TTLL11: variants seen among roughly 807,000 people sequenced by gnomAD.
TTLL11 encodes the protein tubulin tyrosine ligase like 11.
In TTLL11, 42 loss-of-function variants were observed where a neutral mutation model predicts 51.7. The ratio of observed to expected loss-of-function variants is 0.81; its 90% confidence interval spans 0.64 to 1.05. TTLL11 has a LOEUF of 1.05. Among genes scored for constraint, TTLL11 ranks in the 50% least tolerant of loss-of-function variants. The probability of loss-of-function intolerance (pLI) is 0.00; values close to 1 mark genes in which losing one functional copy is unlikely to be tolerated. For synonymous variants in TTLL11, 381 were observed against 383.5 expected (o/e 0.99, Z 0.08); for missense variants, 799 against 940.4 (o/e 0.85, Z 1.97).
chr9:121,831,483 G>A (rs998074102), intron 8 of TTLL11, among the ~76,000 whole-genome samples: 6 of 152,146 alleles, frequency 3.9e-5, no homozygotes, highest in Admixed American at 3.9e-4. Context: ...GGTGGATCAT[G>A]AGGTCAGGCA....
At chr9:122,016,473 G>A (rs1192797044) in intron 3 of TTLL11, among the ~76,000 whole-genome samples, 1 of 152,162 alleles carries the variant, frequency 6.6e-6, no homozygotes, top group Non-Finnish European at 1.5e-5. Flanking sequence ...TTACCGGAAG[G>A]TTATTTGATA....
chr9:121,831,699 C>CAAAA (rs35519622), intron 8 of TTLL11, among the ~76,000 whole-genome samples: 2 of 133,410 alleles, frequency 1.5e-5, no homozygotes, highest in African/African-American at 2.8e-5. Flanking sequence ...GACTCTGTCT[C>CAAAA]AAAAAAAAAA....
intron 6 of TTLL11, among the ~76,000 whole-genome samples, 170 bp downstream of exon 6, chr9:121,973,839 C>T (rs1465674717): frequency 6.6e-6 from 1 of 152,106 alleles, no homozygotes; most frequent in Admixed American, 6.6e-5. Context: ...ATTTGAGTCA[C>T]TGATTGCTTG....
At chr9:121,935,580 A>G (rs1374722211) in intron 6 of TTLL11, among the ~76,000 whole-genome samples, 1 of 152,234 alleles carries the variant, frequency 6.6e-6, no homozygotes, top group African/African-American at 2.4e-5. Context: ...ATTAGATTTT[A>G]GTTTTGAAAA....
At chr9:121,988,647 C>G (rs530866628) in intron 4 of TTLL11, among the ~76,000 whole-genome samples, 1 of 152,322 alleles carries the variant, frequency 6.6e-6, no homozygotes, top group East Asian at 1.9e-4. Context: ...ACGCCACTCC[C>G]GCCCAGAGAA....
chr9:121,910,128 T>G (rs1036526108), intron 6 of TTLL11, among the ~76,000 whole-genome samples: 1 of 152,168 alleles, frequency 6.6e-6, no homozygotes, highest in Non-Finnish European at 1.5e-5. Flanking sequence ...CGATACAGCG[T>G]TCAAGTGCAA....
At chr9:122,005,641 A>G (rs895828463) in intron 3 of TTLL11, among the ~76,000 whole-genome samples, 3 of 152,228 alleles carry the variant, frequency 2.0e-5, no homozygotes, top group Non-Finnish European at 4.4e-5. Flanking sequence ...TTAAGTGGGA[A>G]TCAGGCAAAC....
chr9:121,876,824 C>T (rs1003570172), intron 6 of TTLL11, among the ~76,000 whole-genome samples: 7 of 152,172 alleles, frequency 4.6e-5, no homozygotes, highest in Non-Finnish European at 8.8e-5. Context: ...GGATCTCACC[C>T]CAGACCTACT....
In TTLL11 at chr9:122,017,472, CT is replaced by C. The variant is rs146107264; in HGVS notation, c.693+14250del. On this transcript the variant is annotated intron_variant, in intron 3 of 8. Transcript: ENST00000321582. ...AATGTTCATCAACAACAGGGTGAGG[CT>C]TTTTTTTTTTTTTTTTGAGACCCAC... is the stretch of plus-strand genomic sequence containing the variant. Among the ~76,000 whole-genome samples the C allele has an allele frequency of 9.1e-3, 1,166 of 127,738 alleles. 10 individuals carry two copies. Among genetic ancestry groups the C allele is most frequent in the African/African-American group, 0.02 (706 of 34,466 alleles). 83.8% of individuals were successfully genotyped at this position (127,738 alleles called of 152,430 possible).
intron 7 of TTLL11, among the ~76,000 whole-genome samples, chr9:121,866,032 A>G (rs750608029): frequency 6.6e-6 from 1 of 152,210 alleles, no homozygotes; most frequent in Non-Finnish European, 1.5e-5. Flanking sequence ...TTGGAGAGAG[A>G]GAGTGGGTAG....
At chr9:122,001,093 G>C (rs1477188280) in intron 3 of TTLL11, among the ~76,000 whole-genome samples, 1 of 151,976 alleles carries the variant, frequency 6.6e-6, no homozygotes, top group Non-Finnish European at 1.5e-5. Context: ...GTGCAACACT[G>C]TTTTTTGGTT....
chr9:121,912,758 T>TA (rs1226828931), intron 6 of TTLL11, among the ~76,000 whole-genome samples: 2 of 151,566 alleles, frequency 1.3e-5, no homozygotes, highest in Non-Finnish European at 2.9e-5. Context: ...AAGAATTTAG[T>TA]AAGCACTTAG....
intron 3 of TTLL11, among the ~76,000 whole-genome samples, chr9:121,998,576 G>A (rs752170642): frequency 2.8e-4 from 42 of 151,414 alleles, no homozygotes; most frequent in Non-Finnish European, 3.4e-4. Context: ...GTGAGGCACC[G>A]CACCCAGCCT....
intron 8 of TTLL11, among the ~76,000 whole-genome samples, chr9:121,847,930 G>T (rs1837564956): frequency 6.6e-6 from 1 of 152,132 alleles, no homozygotes; most frequent in Non-Finnish European, 1.5e-5. Context: ...TGAATCACAG[G>T]CTGGGCACCA....
At position 121,971,052 on chromosome 9, in the gene TTLL11, C is replaced by T. The variant is rs1172050466; in HGVS notation, c.1481+2957G>A. Among the ~76,000 whole-genome samples the T allele has an allele frequency of 2.9e-5, 4 of 139,924 alleles. No homozygotes were observed. In the South Asian group the frequency reaches 6.8e-4, roughly 24 times the overall value. 91.8% of individuals were successfully genotyped at this position (139,924 alleles called of 152,430 possible). On this transcript the variant is annotated intron_variant, in intron 6 of 8. Coordinates refer to ENST00000321582, the MANE Select transcript of TTLL11 (RefSeq NM_001139442.2). ...CAGCCCCCCGCCCGGTCAGCCGCCC[C>T]GTCCGGGAGGGAGGTGGGGGGGTCA...
chr9:121,870,347 G>T, intron 7 of TTLL11, 150 bp downstream of exon 7: 1 of 964,190 alleles, frequency 1.0e-6, no homozygotes, highest in East Asian at 2.7e-5. Flanking sequence ...TCTACCATGT[G>T]CCAGCCACTA....
At chr9:122,042,334 A>T (rs1221771231) in intron 1 of TTLL11, among the ~76,000 whole-genome samples, 1 of 152,240 alleles carries the variant, frequency 6.6e-6, no homozygotes, top group African/African-American at 2.4e-5. Context: ...CCAAAAACAA[A>T]GCTACAGTAA....
chr9:122,028,010 A>G (rs945056489), intron 3 of TTLL11, among the ~76,000 whole-genome samples: 2 of 152,208 alleles, frequency 1.3e-5, no homozygotes, highest in African/African-American at 4.8e-5. Flanking sequence ...ATGGAACTAT[A>G]CTGCTGTAAG....
intron 6 of TTLL11, chr9:121,885,190 G>A (rs1838963980): frequency 6.6e-6 from 1 of 152,184 alleles, no homozygotes; most frequent in African/African-American, 2.4e-5. Flanking sequence ...GTTCCAGGAT[G>A]AAGATAATAC....
Sources: allele counts gnomAD v4.1 joint callset (sites outside exome capture counted in the v4.1 genomes callset), GRCh38; gene constraint gnomAD v4.1.1; transcripts MANE v1.5; gene names NCBI Gene and HGNC (gene_info 2026-07-23, HGNC 2026-07-21).